Variants in DDR2 observed in about 807,000 individuals in gnomAD.
The protein encoded by DDR2 is discoidin domain receptor tyrosine kinase 2.
In DDR2, 27 loss-of-function variants were observed where a neutral mutation model predicts 94.9. That is an observed-to-expected ratio of 0.28 (90% CI 0.21 to 0.39). The LOEUF (loss-of-function observed/expected upper bound fraction) is 0.39. DDR2 is among the 10% of genes least tolerant of loss of function. The probability of loss-of-function intolerance (pLI) is 1.00; values close to 1 mark genes in which losing one functional copy is unlikely to be tolerated. For synonymous variants in DDR2, 382 were observed against 377.2 expected (o/e 1.01, Z -0.15); for missense variants, 783 against 1,076.0 (o/e 0.73, Z 3.81).
intron 16 of DDR2, among the ~76,000 whole-genome samples, chr1:162,778,357 G>T (rs1848861): frequency 1.3e-5 from 2 of 152,160 alleles, no homozygotes; most frequent in East Asian, 1.9e-4. Context: ...TTATGGCTGC[G>T]TTTTTTTCAG....
At chr1:162,632,690 G>T (rs1465098222) in intron 1 of DDR2, 59 bp downstream of exon 1, 1 of 151,936 alleles carries the variant, frequency 6.6e-6, no homozygotes, top group Non-Finnish European at 1.5e-5. Flanking sequence ...TGAAAGCTCC[G>T]CATATACTTC....
At position 162,772,005 on chromosome 1, in the gene DDR2, G is replaced by A. The variant is rs143729297; in HGVS notation, c.1505-19G>A. 13,036 of 1,583,506 alleles carry A rather than the reference G, an allele frequency of 8.2e-3. 77 individuals are homozygous for A. Among genetic ancestry groups the A allele is most frequent in the Non-Finnish European group, 8.3e-3 (9,659 of 1,164,760 alleles). On this transcript the variant is annotated intron_variant, in intron 12 of 17. Transcript: ENST00000367921. ...AAGACACTCCACGGAATGAGGGCTCGTTGCCCTTGTCTTCCCAGGCTGCAG... is the reference window on the plus strand; with the variant it reads ...AAGACACTCCACGGAATGAGGGCTCATTGCCCTTGTCTTCCCAGGCTGCAG...
intron 3 of DDR2, among the ~76,000 whole-genome samples, chr1:162,728,118 T>C (rs1661805192): frequency 7.0e-6 from 1 of 143,798 alleles, no homozygotes; most frequent in Non-Finnish European, 1.5e-5. Context: ...TATATATAGA[T>C]ATAATCACAC....
At chr1:162,728,570 T>A (rs1244029639) in intron 3 of DDR2, among the ~76,000 whole-genome samples, 1 of 152,196 alleles carries the variant, frequency 6.6e-6, no homozygotes, top group African/African-American at 2.4e-5. Context: ...AGGCCTTGTC[T>A]TCACCTGGTG....
rs1663405113 is a variant in DDR2 at position 162,755,275 on chromosome 1, A to G, written c.537A>G (p.Arg179=). Reference sequence around the variant, plus strand: ...ACCACTCCATGAATGTGTGTATGAGAGTGGAGCTTTACGGCTGTGTCTGGC... The same window carrying G: ...ACCACTCCATGAATGTGTGTATGAGGGTGGAGCTTTACGGCTGTGTCTGGC... ...VTDHSMNVCM[R]VELYGCVWLD... The change falls in exon 6 of 18, where the codon AGA becomes AGG. Residue 179 remains arginine, a synonymous_variant. Transcript: ENST00000367921. 6.2e-7 allele frequency: 1 copy of G among 1,613,924 alleles called. No homozygotes were observed. The highest frequency in any genetic ancestry group is 1.1e-5 in the South Asian group (1 of 91,064).
rs551513611 is a variant in DDR2, at chr1:162,786,459, G to C, written c.*6213G>C. The C allele has an allele frequency of 5.3e-5, 8 of 152,270 alleles. No homozygotes were observed. In the South Asian group the frequency reaches 1.7e-3, roughly 32 times the overall value. 9.4% of individuals were successfully genotyped at this position (152,270 alleles called of 1,614,324 possible). ...CAAATAGAATATGTAAAATTTCTCTGTATTAGAAAAAGAAACGTGATACCA... is the reference window on the plus strand; with the variant it reads ...CAAATAGAATATGTAAAATTTCTCTCTATTAGAAAAAGAAACGTGATACCA... On this transcript the variant is annotated 3_prime_UTR_variant, in exon 18 of 18. Transcript: ENST00000367921.
chr1:162,679,386 A>G (rs1055354199), intron 2 of DDR2, among the ~76,000 whole-genome samples: 31 of 152,312 alleles, frequency 2.0e-4, no homozygotes, highest in African/African-American at 7.0e-4. Flanking sequence ...TTTCAGAGAC[A>G]CAGATGACCA....
intron 1 of DDR2, among the ~76,000 whole-genome samples, chr1:162,650,900 T>G (rs1657656199): frequency 6.6e-6 from 1 of 152,098 alleles, no homozygotes; most frequent in Non-Finnish European, 1.5e-5. Flanking sequence ...AGCTAATTTT[T>G]GTATTTTTAG....
At chr1:162,748,296 A>C (rs986202041) in intron 3 of DDR2, among the ~76,000 whole-genome samples, 14 of 152,322 alleles carry the variant, frequency 9.2e-5, no homozygotes, top group African/African-American at 3.1e-4. Context: ...AAATAAAGGG[A>C]TGGAGGAAGA....
At chr1:162,724,662 G>A (rs150062082) in intron 3 of DDR2, among the ~76,000 whole-genome samples, 11 of 152,330 alleles carry the variant, frequency 7.2e-5, no homozygotes, top group African/African-American at 2.4e-4. Flanking sequence ...GATGTGCTGA[G>A]AAGGTTTATG....
intron 2 of DDR2, among the ~76,000 whole-genome samples, chr1:162,673,157 C>T (rs967301378): frequency 3.3e-5 from 5 of 152,108 alleles, no homozygotes; most frequent in Non-Finnish European, 5.9e-5. Flanking sequence ...TTTCCCCTAC[C>T]TTTCAAGAAA....
chr1:162,749,635 A>T (rs1433021253), intron 3 of DDR2, among the ~76,000 whole-genome samples: 1 of 152,238 alleles, frequency 6.6e-6, no homozygotes, highest in Non-Finnish European at 1.5e-5. Context: ...AAATACAGGG[A>T]ATCCTCCCTA....
At position 162,785,122 on chromosome 1, in the gene DDR2, G is replaced by C. The variant is rs1273514878; in HGVS notation, c.*4876G>C. 6.6e-6 allele frequency: 1 copy of C among 152,180 alleles called. No homozygotes were observed. Among genetic ancestry groups the C allele is most frequent in the Non-Finnish European group, 1.5e-5 (1 of 68,020 alleles). 9.4% of individuals were successfully genotyped at this position (152,180 alleles called of 1,614,324 possible). A position where few individuals can be genotyped will look rare whatever the true frequency, so the allele number is the denominator to read the frequency against. On this transcript the variant is annotated 3_prime_UTR_variant, in exon 18 of 18. Transcript: ENST00000367921. Reference sequence around the variant, plus strand: ...CTGTTTGGCATCTGAAACAATCCAAGACAAACTTAGAAAGATTAGGCAACA... The same window carrying C: ...CTGTTTGGCATCTGAAACAATCCAACACAAACTTAGAAAGATTAGGCAACA...
chr1:162,752,755 A>T (rs1330446064), intron 3 of DDR2, among the ~76,000 whole-genome samples: 1 of 152,224 alleles, frequency 6.6e-6, no homozygotes, highest in Non-Finnish European at 1.5e-5. Flanking sequence ...ATTAGAAGTA[A>T]ACATCTTCTA....
intron 2 of DDR2, among the ~76,000 whole-genome samples, chr1:162,685,181 T>C (rs1260199028): frequency 1.3e-5 from 2 of 152,176 alleles, no homozygotes; most frequent in Non-Finnish European, 2.9e-5. Context: ...ATACAATATC[T>C]ATCTCACAGT....
chr1:162,761,597 T>A, intron 9 of DDR2, 143 bp downstream of exon 9: 3 of 1,347,462 alleles, frequency 2.2e-6, no homozygotes, highest in Non-Finnish European at 3.1e-6. Context: ...GTGAATCCTT[T>A]GTGTGACTAG....
chr1:162,776,184 G>A lies in DDR2; in HGVS notation c.2097G>A (p.Lys699=), dbSNP rs1262917507. The A allele has an allele frequency of 1.2e-6, 2 of 1,613,958 alleles. No individual in the cohort carries two copies. The highest frequency in any genetic ancestry group is 1.7e-5 in the Admixed American group (1 of 60,012). ...FMATQIASGM[K]YLSSLNFVHR... is the part of the protein sequence containing the mutation. ...CTACCCAAATTGCCTCTGGCATGAA[G>A]TACCTTTCCTCTCTTAATTTTGTTC... Residue 699 remains lysine, a synonymous_variant, in exon 16 of 18, where the codon AAG becomes AAA. Coordinates refer to ENST00000367921, the MANE Select transcript of DDR2 (RefSeq NM_006182.4).
Position 162,755,158 on chromosome 1 carries a change from G to T in DDR2, c.420G>T (p.Val140=), listed in dbSNP as rs1475872326. The T allele has an allele frequency of 2.5e-6, 4 of 1,614,076 alleles. No individual in the cohort carries two copies. The highest frequency in any genetic ancestry group is 3.4e-6 in the Non-Finnish European group (4 of 1,179,990). ...ISWRNRHGKQ[V]LDGNSNPYDI... is the part of the protein sequence containing the mutation. The stretch of plus-strand genomic sequence containing the variant: ...CTCATTCTCTTCTCTCTCCTCAGGT[G>T]CTGGATGGAAATAGTAACCCCTATG... The change falls in exon 6 of 18, where the codon GTG becomes GTT. Residue 140 remains valine (V), a splice_region_variant and synonymous_variant. Coordinates refer to ENST00000367921, the MANE Select transcript of DDR2 (RefSeq NM_006182.4).
At chr1:162,727,992 ATATATATC>A (rs1396854693) in intron 3 of DDR2, among the ~76,000 whole-genome samples, 238 of 141,556 alleles carry the variant, frequency 1.7e-3, no homozygotes, top group East Asian at 4.0e-3. Flanking sequence ...TAATCACACT[ATATATATC>A]TATATATATA....
Sources: gnomAD v4.1 joint callset for allele counts (sites outside exome capture counted in the v4.1 genomes callset) on GRCh38, gnomAD v4.1.1 for gene constraint, MANE v1.5 for transcripts, NCBI Gene and HGNC (gene_info 2026-07-23, HGNC 2026-07-21) for gene names.